The following ASB3 variants were observed in gnomAD, a reference collection of about 807,000 sequenced individuals.
ASB3 encodes ankyrin repeat and SOCS box protein 3.
ASB3 carries 41 observed loss-of-function variants against 54.5 expected under a neutral mutation model. The ratio of observed to expected loss-of-function variants is 0.75; its 90% CI spans 0.59 to 0.98. The LOEUF (loss-of-function observed/expected upper bound fraction) is 0.98. Ranked by LOEUF, ASB3 falls within the 50% of genes least tolerant of loss-of-function variation. ASB3 has a pLI of 0.00. For missense variants in ASB3, 733 were observed against 620.0 expected, an observed-to-expected ratio of 1.18 and a Z score of -1.94; for synonymous variants, 266 against 221.2, an observed-to-expected ratio of 1.20 and a Z score of -1.80.
At chr2:53,711,230 C>T (rs763567227) in intron 7 of ASB3, among the ~76,000 whole-genome samples, 5 of 152,100 alleles carry the variant, frequency 3.3e-5, no homozygotes, top group Admixed American at 6.5e-5. Context: ...TTAGGGTATC[C>T]GCTTCTCCAA....
At chr2:53,736,654 G>A (rs762113979) in intron 3 of ASB3, among the ~76,000 whole-genome samples, 5 of 148,646 alleles carry the variant, frequency 3.4e-5, no homozygotes, top group Non-Finnish European at 7.4e-5. Flanking sequence ...AGCCGAAATC[G>A]CGCCACTACA....
intron 3 of ASB3, among the ~76,000 whole-genome samples, chr2:53,747,924 G>A (rs1273042000): frequency 6.6e-6 from 1 of 152,220 alleles, no homozygotes; most frequent in Non-Finnish European, 1.5e-5. Context: ...GCAAATGTAT[G>A]TGATTAGGAA....
intron 3 of ASB3, among the ~76,000 whole-genome samples, chr2:53,734,292 T>G (rs1452853532): frequency 1.3e-5 from 2 of 152,240 alleles, no homozygotes; most frequent in Non-Finnish European, 2.9e-5. Flanking sequence ...CCTTCTCTAC[T>G]GGGCTCCACT....
Position 53,765,553 on chromosome 2 carries a change from T to A in ASB3, c.20A>T (p.Tyr7Phe). 6.2e-7 allele frequency: 1 copy of A among 1,614,224 alleles called. No homozygotes were observed. The highest frequency in any genetic ancestry group is 8.5e-7 in the Non-Finnish European group (1 of 1,180,042). Residue 7 changes from tyrosine to phenylalanine, a missense_variant, in exon 2 of 10, where the codon TAC becomes TTC. By Grantham distance (22) the Tyr-to-Phe change is conservative (BLOSUM62 3). Coordinates refer to ENST00000263634, the MANE Select transcript of ASB3 (RefSeq NM_016115.5). The stretch of plus-strand genomic sequence containing the variant: ...TCCAACTGTAGAGCACGTGTCCGCG[T>A]AAGCCTCTGTAAAATCCATTTGTTT... The part of the protein sequence containing the change: MDFTEA[Y>F]ADTCSTVGLA...
Position 53,768,310 on chromosome 2 carries a change from G to A in ASB3, c.-13-2725C>T, listed in dbSNP as rs938414985. On this transcript the variant is annotated intron_variant, in intron 1 of 9. Transcript: ENST00000263634. ...GCACCAGGCTGAGTGCGGAGATGGGGACTCCATCTCTCTGCAACCTCTGCC... is the reference window on the plus strand; with the variant it reads ...GCACCAGGCTGAGTGCGGAGATGGGAACTCCATCTCTCTGCAACCTCTGCC... 14 of 350,900 alleles carry A rather than the reference G, an allele frequency of 4.0e-5. 1 individual carries two copies. In the South Asian group the frequency reaches 5.8e-4, roughly 15 times the overall value. 21.7% of individuals were successfully genotyped at this position (350,900 alleles called of 1,614,324 possible).
chr2:53,765,279 G>A, intron 2 of ASB3, 98 bp downstream of exon 2: 3 of 1,493,554 alleles, frequency 2.0e-6, no homozygotes, highest in Non-Finnish European at 2.7e-6. Flanking sequence ...TATAGAAAGG[G>A]AAACAAATAC....
At chr2:53,773,575 T>G (rs1467845335) in intron 1 of ASB3, among the ~76,000 whole-genome samples, 1 of 152,020 alleles carries the variant, frequency 6.6e-6, no homozygotes, top group East Asian at 2.0e-4. Context: ...GGATTACAAG[T>G]GCCTGCCACT....
At chr2:53,679,067 T>G (rs1433401511) in intron 9 of ASB3, among the ~76,000 whole-genome samples, 3 of 152,162 alleles carry the variant, frequency 2.0e-5, no homozygotes, top group Admixed American at 6.5e-5. Context: ...TCCTTTCTCA[T>G]TTCTTTTCCT....
intron 1 of ASB3, among the ~76,000 whole-genome samples, chr2:53,768,853 A>T (rs1673687384): frequency 6.6e-6 from 1 of 152,268 alleles, no homozygotes; most frequent in African/African-American, 2.4e-5. Flanking sequence ...CAACTAATCC[A>T]TAAAGAAAAC....
chr2:53,743,043 A>AGAATG (rs1553378624), intron 3 of ASB3, among the ~76,000 whole-genome samples: 1 of 152,228 alleles, frequency 6.6e-6, no homozygotes, highest in Admixed American at 6.5e-5. Flanking sequence ...ACTCTAGAAC[A>AGAATG]GAATGGATCA....
chr2:53,686,399 C>T (rs767628827), intron 9 of ASB3, among the ~76,000 whole-genome samples: 3 of 152,162 alleles, frequency 2.0e-5, no homozygotes, highest in Non-Finnish European at 2.9e-5. Context: ...CTCAGAGCCA[C>T]GGTTTTGTGC....
intron 1 of ASB3, among the ~76,000 whole-genome samples, chr2:53,768,546 G>C (rs1283548401): frequency 6.6e-6 from 1 of 152,190 alleles, no homozygotes; most frequent in Non-Finnish European, 1.5e-5. Flanking sequence ...TGACACACAG[G>C]ATTGCAGAAT....
chr2:53,698,670 T>C (rs748003872), intron 8 of ASB3, among the ~76,000 whole-genome samples: 65 of 152,302 alleles, frequency 4.3e-4, no homozygotes, highest in Non-Finnish European at 6.3e-4. Context: ...TTTACTCCAC[T>C]TTCCAACAGG....
intron 9 of ASB3, among the ~76,000 whole-genome samples, chr2:53,679,462 G>C (rs1198492741): frequency 6.6e-6 from 1 of 151,466 alleles, no homozygotes; most frequent in South Asian, 2.1e-4. Flanking sequence ...ATTTATCTCT[G>C]TCCAGCCCAT....
intron 1 of ASB3, among the ~76,000 whole-genome samples, chr2:53,776,671 T>G (rs963660638): frequency 6.6e-6 from 1 of 151,980 alleles, no homozygotes; most frequent in Admixed American, 6.6e-5. Flanking sequence ...ATTTAAAAAT[T>G]AGCCAGGTGT....
chr2:53,702,747 A>T (rs1669560675), intron 7 of ASB3, among the ~76,000 whole-genome samples: 1 of 152,200 alleles, frequency 6.6e-6, no homozygotes, highest in Non-Finnish European at 1.5e-5. Context: ...CTATGCAGAA[A>T]AACAGTGCTC....
intron 4 of ASB3, 135 bp from the exon 5 acceptor site, chr2:53,728,982 C>T (rs1487710964): frequency 2.0e-6 from 2 of 978,622 alleles, no homozygotes; most frequent in East Asian, 2.7e-5. Context: ...AAACAGTATA[C>T]TGCTGTATTA....
At chr2:53,765,232 A>G (rs1166070025) in intron 2 of ASB3, 145 bp downstream of exon 2, 2 of 1,192,442 alleles carry the variant, frequency 1.7e-6, no homozygotes, top group Non-Finnish European at 2.3e-6. Flanking sequence ...CAATCTTACT[A>G]TCCTTAATAA....
At chr2:53,702,671 C>T (rs960795815) in intron 7 of ASB3, among the ~76,000 whole-genome samples, 47 of 152,244 alleles carry the variant, frequency 3.1e-4, no homozygotes, top group African/African-American at 1.1e-3. Context: ...AAATTAAAAT[C>T]CAATGTCTAG....
Sources: gnomAD v4.1 joint callset for allele counts (sites outside exome capture counted in the v4.1 genomes callset) on GRCh38, gnomAD v4.1.1 for gene constraint, MANE v1.5 for transcripts, NCBI Gene and HGNC (gene_info 2026-07-23, HGNC 2026-07-21) for gene names.